Variants in SVIL observed in about 807,000 individuals in gnomAD.
SVIL encodes the protein archvillin.
Under a neutral mutation model 240.4 loss-of-function variants are expected in SVIL, and 101 were observed. That is an observed-to-expected ratio of 0.42 (90% CI 0.36 to 0.50). The LOEUF (loss-of-function observed/expected upper bound fraction) is 0.50, where lower values mean the gene tolerates loss of function less well. SVIL is among the 20% of genes least tolerant of loss of function. The pLI is 0.01. For missense variants in SVIL, 2,512 were observed against 2,818.7 expected (o/e 0.89, Z 2.46); for synonymous variants, 999 against 1,100.0 (o/e 0.91, Z 1.82).
At chr10:29,465,853 A>C (rs1454075310) in intron 33 of SVIL, 103 bp from the exon 34 acceptor site, 2 of 1,436,482 alleles carry the variant, frequency 1.4e-6, no homozygotes, top group Non-Finnish European at 1.9e-6. Flanking sequence ...GCACTGTGGA[A>C]ACACAGGTAG....
rs1217691251 is a variant in SVIL at position 29,532,244 on chromosome 10, T to C, written c.1839-72A>G. The C allele has an allele frequency of 5.2e-6, 8 of 1,538,678 alleles. No homozygotes were observed. The African/African-American group carries it at 1.1e-4, about 21-fold the overall frequency. On this transcript the variant is annotated intron_variant, in intron 8 of 37. Transcript: ENST00000355867. Reference sequence around the variant, plus strand: ...AGAGAAAGAGAAGATGGCAAAGGATTATGCATCTCCGTGAGTCAAGGGACA... The same window carrying C: ...AGAGAAAGAGAAGATGGCAAAGGATCATGCATCTCCGTGAGTCAAGGGACA...
At chr10:29,521,728 C>T (rs941259994) in intron 16 of SVIL, among the ~76,000 whole-genome samples, 19 of 152,142 alleles carry the variant, frequency 1.2e-4, no homozygotes, top group African/African-American at 3.9e-4. Context: ...AAAACACATC[C>T]CCAAGGTAAT....
At chr10:29,683,127 A>G (rs1290815556) in intron 2 of SVIL, among the ~76,000 whole-genome samples, 1 of 152,208 alleles carries the variant, frequency 6.6e-6, no homozygotes, top group Non-Finnish European at 1.5e-5. Flanking sequence ...AAGATGTACA[A>G]TGGTTTGGTC....
intron 3 of SVIL, among the ~76,000 whole-genome samples, chr10:29,556,805 T>C (rs1281609213): frequency 6.6e-6 from 1 of 152,222 alleles, no homozygotes; most frequent in African/African-American, 2.4e-5. Flanking sequence ...AGTGGGATTA[T>C]GGTGATACAA....
At chr10:29,529,175 CAAAAAAAAAAAAA>C (rs66523560) in intron 12 of SVIL, among the ~76,000 whole-genome samples, 2 of 66,068 alleles carry the variant, frequency 3.0e-5, no homozygotes, top group African/African-American at 1.1e-4. Context: ...GACTCTCTCT[CAAAAAAAAAAAAA>C]AAAAAAAAAA....
chr10:29,695,164 C>T (rs1961828169), intron 1 of SVIL, among the ~76,000 whole-genome samples: 1 of 152,126 alleles, frequency 6.6e-6, no homozygotes, highest in Admixed American at 6.5e-5. Context: ...GCTTCTGCAG[C>T]CGGAAGCAGC....
At chr10:29,614,463 A>T (rs1418873212) in intron 1 of SVIL, among the ~76,000 whole-genome samples, 1 of 152,214 alleles carries the variant, frequency 6.6e-6, no homozygotes, top group Non-Finnish European at 1.5e-5. Flanking sequence ...CATATACACC[A>T]TGGAATACTA....
intron 2 of SVIL, among the ~76,000 whole-genome samples, chr10:29,673,451 C>G (rs1484624615): frequency 6.6e-6 from 1 of 151,504 alleles, no homozygotes; most frequent in African/African-American, 2.4e-5. Context: ...CTACCTGAGA[C>G]TGAGTAATTT....
Position 29,702,609 on chromosome 10 carries a change from C to T in SVIL, c.-399-15958G>A, listed in dbSNP as rs539828675. ...AAATTATTCCATTTCATAAAGAAGG[C>T]AAGGTTCTGTCCTTTGGAAACCCTA... On this transcript the variant is annotated intron_variant, in intron 1 of 35. Coordinates refer to the SVIL transcript ENST00000375400. Among the ~76,000 whole-genome samples, 227 of 152,332 alleles carry T rather than the reference C, an allele frequency of 1.5e-3. 2 individuals are homozygous for T. Among genetic ancestry groups the T allele is most frequent in the African/African-American group, 5.1e-3 (213 of 41,584 alleles).
At chr10:29,488,350 A>C (rs1322606395) in intron 23 of SVIL, among the ~76,000 whole-genome samples, 1 of 151,996 alleles carries the variant, frequency 6.6e-6, no homozygotes, top group Non-Finnish European at 1.5e-5. Context: ...CAGCTCTGCC[A>C]CCCAGTAGCT....
rs766975082 is a variant in SVIL, at chr10:29,488,726, G to A, written c.4223C>T (p.Thr1408Ile). Residue 1408 changes from threonine to isoleucine, a missense_variant, in exon 23 of 38, where the codon ACC becomes ATC. Thr to Ile is a moderately conservative substitution (Grantham distance 89). Around this residue, in one of 3 missense-constraint regions of SVIL, gnomAD observed 272 missense variants for 406.8 expected, o/e 0.67. Transcript: ENST00000355867. ...MSSNSNFSEV[T>I]LAGLASKENF... Reference sequence around the variant, plus strand: ...TTCTTTACTGGCTAAACCCGCCAGGGTGACTTCTGAGAAGTTGGAGTTGGA... The same window carrying A: ...TTCTTTACTGGCTAAACCCGCCAGGATGACTTCTGAGAAGTTGGAGTTGGA... 1 of 1,612,792 alleles carries A rather than the reference G, an allele frequency of 6.2e-7. No homozygotes were observed. The highest frequency in any genetic ancestry group is 1.3e-5 in the African/African-American group (1 of 74,904).
At chr10:29,633,714 G>GA (rs1958202658) in intron 1 of SVIL, among the ~76,000 whole-genome samples, 1 of 151,504 alleles carries the variant, frequency 6.6e-6, no homozygotes, top group Non-Finnish European at 1.5e-5. Context: ...CTATGTTCTA[G>GA]AGTTCACTGC....
intron 15 of SVIL, 60 bp downstream of exon 15, chr10:29,523,391 A>T (rs1443706311): frequency 6.8e-7 from 1 of 1,473,668 alleles, no homozygotes; most frequent in Non-Finnish European, 9.1e-7. Context: ...ACACAGGACA[A>T]ATCAAGCAGA....
intron 12 of SVIL, among the ~76,000 whole-genome samples, chr10:29,528,468 G>A (rs1397714944): frequency 6.6e-6 from 1 of 152,178 alleles, no homozygotes; most frequent in Non-Finnish European, 1.5e-5. Flanking sequence ...GCTGGGTACA[G>A]TGGCTCACGC....
intron 6 of SVIL, among the ~76,000 whole-genome samples, chr10:29,540,686 C>G (rs1952081847): frequency 6.6e-6 from 1 of 151,768 alleles, no homozygotes; most frequent in Non-Finnish European, 1.5e-5. Flanking sequence ...TTCATGGACT[C>G]TAAGGTTAAG....
chr10:29,617,367 G>C (rs1345455254), intron 1 of SVIL, among the ~76,000 whole-genome samples: 1 of 152,088 alleles, frequency 6.6e-6, no homozygotes, highest in Non-Finnish European at 1.5e-5. Context: ...TCCCTGACAA[G>C]AGCATCGTAC....
In SVIL at chr10:29,471,278, C is replaced by T. The variant is rs376774707; in HGVS notation, c.5530-35G>A. 4.0e-5 allele frequency: 61 copies of T among 1,533,800 alleles called. 1 individual carries two copies. In the Admixed American group the frequency reaches 4.7e-4, roughly 12 times the overall value. On this transcript the variant is annotated intron_variant, in intron 30 of 37. Transcript: ENST00000355867. Reference sequence around the variant, plus strand: ...TAAACAGAGGTAAATAGGTAAGGGGCGCGGGGCTTTCAAAGTCCTAAAAAC... The same window carrying T: ...TAAACAGAGGTAAATAGGTAAGGGGTGCGGGGCTTTCAAAGTCCTAAAAAC...
At chr10:29,686,316 A>C (rs1961065537) in intron 2 of SVIL, among the ~76,000 whole-genome samples, 1 of 152,218 alleles carries the variant, frequency 6.6e-6, no homozygotes, top group Non-Finnish European at 1.5e-5. Flanking sequence ...TAAGGAAAGG[A>C]GTCAACTGCT....
chr10:29,604,954 G>A (rs1287441925), intron 1 of SVIL, among the ~76,000 whole-genome samples: 2 of 152,204 alleles, frequency 1.3e-5, no homozygotes, highest in East Asian at 1.9e-4. Flanking sequence ...TTCTATCTGC[G>A]ATTTCAGGAA....
Sources: allele counts gnomAD v4.1 joint callset (sites outside exome capture counted in the v4.1 genomes callset), GRCh38; gene constraint gnomAD v4.1.1; regional missense constraint gnomAD v4.1.1; transcripts MANE v1.5; gene names NCBI Gene and HGNC (gene_info 2026-07-23, HGNC 2026-07-21).